Variants in VOPP1 observed in about 807,000 individuals in gnomAD.
VOPP1 encodes the protein VOPP1 WW domain binding protein, also known as WW domain binding protein VOPP1.
VOPP1 carries 8 observed loss-of-function variants against 23.5 expected under a neutral mutation model. The observed-to-expected ratio is 0.34, with a 90% CI of 0.20 to 0.61. VOPP1 has a LOEUF of 0.61. Ranked by LOEUF, VOPP1 falls within the 20% of genes least tolerant of loss-of-function variation. VOPP1 has a pLI of 0.78. For missense variants in VOPP1, 174 were observed against 238.1 expected (o/e 0.73, Z 1.77); for synonymous variants, 83 against 97.3 (o/e 0.85, Z 0.86).
chr7:55,496,798 CAAAATCTT>C (rs1793984516), intron 3 of VOPP1, among the ~76,000 whole-genome samples: 1 of 152,196 alleles, frequency 6.6e-6, no homozygotes, highest in Non-Finnish European at 1.5e-5. Flanking sequence ...TCAGTAAAGT[CAAAATCTT>C]AACATCATAA....
chr7:55,508,893 A>T (rs552190056), intron 2 of VOPP1, among the ~76,000 whole-genome samples: 15 of 152,094 alleles, frequency 9.9e-5, no homozygotes, highest in Non-Finnish European at 1.5e-4. Flanking sequence ...AAATCTTTAA[A>T]ATTAGCCAGA....
chr7:55,492,741 G>A, intron 3 of VOPP1: 1 of 218,174 alleles, frequency 4.6e-6, no homozygotes, highest in Non-Finnish European at 9.0e-6. Flanking sequence ...CTCGTCCACG[G>A]CTCTGACCTC....
At chr7:55,490,069 A>T (rs1239150416) in intron 4 of VOPP1, among the ~76,000 whole-genome samples, 1 of 152,074 alleles carries the variant, frequency 6.6e-6, no homozygotes, top group Non-Finnish European at 1.5e-5. Context: ...GATGGGTCTG[A>T]GGAAGCTGTG....
At position 55,497,685 on chromosome 7, in the gene VOPP1, C is replaced by T; in HGVS notation, c.119G>A (p.Arg40His). 1.2e-6 allele frequency: 2 copies of T among 1,613,900 alleles called. No individual in the cohort carries two copies. The highest frequency in any genetic ancestry group is 2.2e-5 in the East Asian group (1 of 44,868). The change falls in exon 3 of 5, where the codon CGC becomes CAC. Residue 40 changes from arginine to histidine, a missense_variant. Coordinates refer to ENST00000285279, the MANE Select transcript of VOPP1 (RefSeq NM_030796.5). Reference sequence around the variant, plus strand: ...GGAGCCACAGCAGTCCTCGTAGGAGCGGCATCTGTGGAGAGAGGCACAGGC... The same window carrying T: ...GGAGCCACAGCAGTCCTCGTAGGAGTGGCATCTGTGGAGAGAGGCACAGGC... Reference protein sequence around the residue: ...EGLYPTYYICRSYEDCCGSRC... With the variant: ...EGLYPTYYICHSYEDCCGSRC...
intron 4 of VOPP1, among the ~76,000 whole-genome samples, chr7:55,473,910 T>C (rs1382051805): frequency 2.7e-5 from 4 of 150,596 alleles, no homozygotes; most frequent in African/African-American, 1.0e-4. Context: ...TTGTGTAGGG[T>C]TTTTTTTCTT....
chr7:55,495,598 T>C (rs1425313380), intron 3 of VOPP1, among the ~76,000 whole-genome samples: 1 of 152,198 alleles, frequency 6.6e-6, no homozygotes, highest in Non-Finnish European at 1.5e-5. Context: ...GCTTCAGAAG[T>C]TCTGTGCTCT....
At chr7:55,438,131 G>A (rs959953537) in intron 4 of VOPP1, among the ~76,000 whole-genome samples, 4 of 152,088 alleles carry the variant, frequency 2.6e-5, no homozygotes, top group Admixed American at 1.3e-4. Flanking sequence ...TTGAACTCAG[G>A]TGATTCGTCT....
chr7:55,467,723 G>A (rs1791668119), downstream of VOPP1, among the ~76,000 whole-genome samples: 1 of 152,220 alleles, frequency 6.6e-6, no homozygotes, highest in African/African-American at 2.4e-5. Flanking sequence ...GGAGGAAGCT[G>A]GCCAGGTGGG....
chr7:55,542,231 C>T (rs1018299586), intron 1 of VOPP1, among the ~76,000 whole-genome samples: 1 of 152,122 alleles, frequency 6.6e-6, no homozygotes, highest in Non-Finnish European at 1.5e-5. Context: ...GAAATATCTA[C>T]CACCTCAAAT....
intron 2 of VOPP1, among the ~76,000 whole-genome samples, chr7:55,513,352 T>C (rs1037193959): frequency 1.3e-5 from 2 of 152,166 alleles, no homozygotes; most frequent in Admixed American, 1.3e-4. Flanking sequence ...ATGGATCCTA[T>C]CTTCCCCTTA....
At chr7:55,525,740 T>C (rs1796145422) in intron 1 of VOPP1, among the ~76,000 whole-genome samples, 2 of 145,168 alleles carry the variant, frequency 1.4e-5, no homozygotes, top group African/African-American at 2.6e-5. Context: ...TCCTTACATG[T>C]GTACGGTATT....
At chr7:55,570,155 C>T (rs978908691) in intron 1 of VOPP1, among the ~76,000 whole-genome samples, 2 of 152,152 alleles carry the variant, frequency 1.3e-5, no homozygotes, top group African/African-American at 4.8e-5. Context: ...TGATTCAGGA[C>T]TTCAGAAGCA....
chr7:55,442,613 T>C (rs1790993023), intron 4 of VOPP1, among the ~76,000 whole-genome samples: 1 of 150,360 alleles, frequency 6.7e-6, no homozygotes, highest in African/African-American at 2.5e-5. Flanking sequence ...CAGATGTGCG[T>C]ACCTTCTAAT....
chr7:55,527,160 A>G (rs752028568), intron 1 of VOPP1: 2 of 152,240 alleles, frequency 1.3e-5, no homozygotes, highest in South Asian at 2.1e-4. Context: ...CTGAATTTCA[A>G]TTAATAAATA....
At chr7:55,572,128 A>C in intron 1 of VOPP1, 143 bp downstream of exon 1, 1 of 533,504 alleles carries the variant, frequency 1.9e-6, no homozygotes, top group Non-Finnish European at 3.1e-6. Context: ...CAGCTCCGGG[A>C]GGCGCGCAGG....
chr7:55,445,491 C>T (rs865780397), intron 4 of VOPP1, among the ~76,000 whole-genome samples: 1 of 152,274 alleles, frequency 6.6e-6, no homozygotes, highest in African/African-American at 2.4e-5. Flanking sequence ...CCCCAATTGA[C>T]TTTGAGGTCT....
intron 4 of VOPP1, among the ~76,000 whole-genome samples, chr7:55,487,586 T>G (rs184030101): frequency 6.6e-6 from 1 of 152,346 alleles, no homozygotes; most frequent in African/African-American, 2.4e-5. Flanking sequence ...GCATTCTGAC[T>G]GGCTGGGACT....
intron 1 of VOPP1, chr7:55,538,486 CTA>C: frequency 1.3e-6 from 1 of 767,718 alleles, no homozygotes; most frequent in Non-Finnish European, 2.0e-6. Context: ...TCCTGCCAGG[CTA>C]CACAAACCAC....
chr7:55,571,023 T>C (rs1798334097), intron 1 of VOPP1, among the ~76,000 whole-genome samples: 1 of 152,102 alleles, frequency 6.6e-6, no homozygotes, highest in African/African-American at 2.4e-5. Flanking sequence ...AGCACATCTG[T>C]TTTCATGCGA....
Sources: gnomAD v4.1 joint callset for allele counts (sites outside exome capture counted in the v4.1 genomes callset) on GRCh38, gnomAD v4.1.1 for gene constraint, MANE v1.5 for transcripts, NCBI Gene and HGNC (gene_info 2026-07-23, HGNC 2026-07-21) for gene names.